Variants in PMFBP1 observed in about 807,000 individuals in gnomAD.
PMFBP1 encodes the protein polyamine modulated factor 1 binding protein 1.
Under a neutral mutation model 137.8 loss-of-function variants are expected in PMFBP1, and 131 were observed. The ratio of observed to expected loss-of-function variants is 0.95; its 90% CI spans 0.82 to 1.10. The LOEUF is 1.10. PMFBP1 is among the 50% of genes least tolerant of loss of function. The probability of loss-of-function intolerance (pLI) is 0.00; values close to 1 mark genes in which losing one functional copy is unlikely to be tolerated. For synonymous variants in PMFBP1, 490 were observed against 450.4 expected (o/e 1.09, Z -1.11); for missense variants, 1,199 against 1,175.4 (o/e 1.02, Z -0.29).
rs2042431106 is a variant in PMFBP1, at chr16:72,124,927, G to A, written c.2429C>T (p.Ala810Val). ...FHQESELEVH[A>V]FDKKLEEMSC... ...CATCTCCTCTAGCTTCTTGTCAAAG[G>A]CGTGCACCTACTCAGGAGAGCAAAG... The change falls in exon 17 of 21, where the codon GCC (alanine) becomes GTC (valine). Residue 810 changes from alanine (A) to valine (V), a missense_variant. By Grantham distance (64) the Ala-to-Val change is moderately conservative. Transcript: ENST00000237353. 2.5e-6 allele frequency: 4 copies of A among 1,613,610 alleles called. No individual in the cohort carries two copies. The African/African-American group carries it at 5.3e-5, about 22-fold the overall frequency.
chr16:72,170,915 T>A (rs932360783), intron 2 of PMFBP1, among the ~76,000 whole-genome samples: 8 of 152,184 alleles, frequency 5.3e-5, no homozygotes, highest in African/African-American at 1.7e-4. Flanking sequence ...ATTTTCTAGA[T>A]AAGGCAAAGG....
chr16:72,232,285 C>A, the PMFBP1 span, among the ~76,000 whole-genome samples: 3 of 152,134 alleles, frequency 2.0e-5, no homozygotes, highest in Admixed American at 1.3e-4. Context: ...TTTTGCTGAA[C>A]AATAAATATC....
At chr16:72,156,579 C>T (rs546503624) in intron 3 of PMFBP1, among the ~76,000 whole-genome samples, 114 of 151,618 alleles carry the variant, frequency 7.5e-4, no homozygotes, top group Non-Finnish European at 1.4e-3. Context: ...GAGATCGTGC[C>T]ACTGCACTCC....
chr16:72,189,100 T>C, the PMFBP1 span, among the ~76,000 whole-genome samples: 1 of 152,190 alleles, frequency 6.6e-6, no homozygotes, highest in Non-Finnish European at 1.5e-5. Context: ...ACTTTGGATG[T>C]GCCAGGCACC....
chr16:72,126,434 C>T (rs1416574727), intron 14 of PMFBP1, among the ~76,000 whole-genome samples: 1 of 152,232 alleles, frequency 6.6e-6, no homozygotes, highest in Non-Finnish European at 1.5e-5. Context: ...ACATACTCTG[C>T]AGCCTTTGAT....
At chr16:72,126,831 G>A (rs1000988539) in intron 14 of PMFBP1, among the ~76,000 whole-genome samples, 2 of 152,186 alleles carry the variant, frequency 1.3e-5, no homozygotes, top group African/African-American at 2.4e-5. Context: ...AAAAATCTGG[G>A]TTGAGGTCCA....
the PMFBP1 span, among the ~76,000 whole-genome samples, chr16:72,239,620 G>C: frequency 6.6e-6 from 1 of 151,940 alleles, no homozygotes; most frequent in African/African-American, 2.4e-5. Context: ...TTGGCTGGGC[G>C]CAGTGGCTTG....
intron 2 of PMFBP1, among the ~76,000 whole-genome samples, chr16:72,169,599 A>T (rs975599024): frequency 6.6e-6 from 1 of 152,214 alleles, no homozygotes; most frequent in Non-Finnish European, 1.5e-5. Context: ...CATTCTGCAC[A>T]TGTATCCCAG....
intron 14 of PMFBP1, 186 bp downstream of exon 14, chr16:72,128,471 G>A: frequency 3.9e-6 from 6 of 1,534,174 alleles, no homozygotes; most frequent in Non-Finnish European, 5.2e-6. Flanking sequence ...ACATATGGAA[G>A]AAACATTTCT....
At chr16:72,224,136 C>T in the PMFBP1 span, among the ~76,000 whole-genome samples, 1 of 152,316 alleles carries the variant, frequency 6.6e-6, no homozygotes, top group South Asian at 2.1e-4. Flanking sequence ...GATGGCAACA[C>T]TTGAGAAGTT....
the PMFBP1 span, among the ~76,000 whole-genome samples, chr16:72,215,570 G>A: frequency 2.0e-5 from 3 of 152,278 alleles, no homozygotes; most frequent in African/African-American, 7.2e-5. Flanking sequence ...ATATAAAGAT[G>A]AAGAGTTTAC....
At chr16:72,148,136 G>C (rs2042841487) in intron 5 of PMFBP1, among the ~76,000 whole-genome samples, 1 of 152,110 alleles carries the variant, frequency 6.6e-6, no homozygotes, top group Non-Finnish European at 1.5e-5. Flanking sequence ...GCCCAGCAGT[G>C]TAGGCCGGAT....
the PMFBP1 span, among the ~76,000 whole-genome samples, chr16:72,226,906 GA>G: frequency 1.3e-5 from 2 of 152,088 alleles, no homozygotes; most frequent in Non-Finnish European, 2.9e-5. Flanking sequence ...GATGAGATGA[GA>G]AAAAATTTTA....
intron 3 of PMFBP1, among the ~76,000 whole-genome samples, chr16:72,157,325 G>A (rs1332900801): frequency 2.0e-5 from 3 of 152,036 alleles, no homozygotes; most frequent in Non-Finnish European, 2.9e-5. Flanking sequence ...AGAGTGAAAC[G>A]GGAGGAAGAT....
the PMFBP1 span, among the ~76,000 whole-genome samples, chr16:72,200,891 T>G: frequency 6.6e-6 from 1 of 152,200 alleles, no homozygotes; most frequent in Admixed American, 6.5e-5. Context: ...GGTCCAGTGC[T>G]GCCAGGGGAG....
the PMFBP1 span, among the ~76,000 whole-genome samples, chr16:72,237,614 G>T: frequency 6.6e-6 from 1 of 151,908 alleles, no homozygotes; most frequent in East Asian, 1.9e-4. Flanking sequence ...GTATCTACTT[G>T]ATCCTAGCCA....
the PMFBP1 span, among the ~76,000 whole-genome samples, chr16:72,236,085 AT>A: frequency 6.6e-6 from 1 of 152,182 alleles, no homozygotes; most frequent in Admixed American, 6.5e-5. Flanking sequence ...GGGGGAATGC[AT>A]TTAGTCTTTC....
intron 3 of PMFBP1, among the ~76,000 whole-genome samples, chr16:72,162,171 G>A (rs1189820122): frequency 2.6e-5 from 4 of 152,178 alleles, no homozygotes; most frequent in Admixed American, 6.5e-5. Context: ...GGCAGGGCCA[G>A]GACTACAGTG....
At chr16:72,146,223 C>A (rs530296638) in intron 5 of PMFBP1, among the ~76,000 whole-genome samples, 1 of 152,124 alleles carries the variant, frequency 6.6e-6, no homozygotes, top group Non-Finnish European at 1.5e-5. Context: ...GTTCAACACA[C>A]GCAAATCAAT....
Sources: allele counts gnomAD v4.1 joint callset (sites outside exome capture counted in the v4.1 genomes callset), GRCh38; gene constraint gnomAD v4.1.1; transcripts MANE v1.5; gene names NCBI Gene and HGNC (gene_info 2026-07-23, HGNC 2026-07-21).